The following PDE11A variants were observed in gnomAD, a reference collection of about 807,000 sequenced individuals.
PDE11A encodes the protein dual 3',5'-cyclic-AMP and -GMP phosphodiesterase 11A.
A neutral mutation model predicts 100.5 loss-of-function variants in PDE11A; 100 were observed. The ratio of observed to expected loss-of-function variants is 1.00; its 90% CI spans 0.85 to 1.18. PDE11A has a LOEUF of 1.18. Among genes scored for constraint, PDE11A ranks in the 50% most tolerant of loss-of-function variants. The probability of loss-of-function intolerance (pLI) is 0.00; values close to 1 mark genes in which losing one functional copy is unlikely to be tolerated. For synonymous variants in PDE11A, 381 were observed against 420.8 expected (o/e 0.91, Z 1.16); for missense variants, 1,141 against 1,152.6 (o/e 0.99, Z 0.15).
rs549156685 is a variant in PDE11A at position 177,816,819 on chromosome 2, C to T, written c.1737+10G>A. The T allele has an allele frequency of 7.6e-5, 114 of 1,499,294 alleles. 1 individual carries two copies. The South Asian group carries it at 1.1e-3, about 15-fold the overall frequency. The allele number at this position is 1,499,294 out of a possible 1,614,324, so 92.9% of individuals were successfully genotyped here. A position where few individuals can be genotyped will look rare whatever the true frequency, so the allele number is the denominator to read the frequency against. ...ACAGCATACAAACCTGACATAAACA[C>T]TGTACTTACATCAAGAGCCACAGAC... On this transcript the variant is annotated intron_variant, in intron 9 of 19. Coordinates refer to ENST00000286063, the MANE Select transcript of PDE11A (RefSeq NM_016953.4).
chr2:177,666,960 T>G (rs1300965484), intron 18 of PDE11A, among the ~76,000 whole-genome samples: 4 of 102,068 alleles, frequency 3.9e-5, no homozygotes, highest in African/African-American at 1.3e-4. Flanking sequence ...CTCTGTCACC[T>G]GGGCTGGAGT....
At chr2:178,082,467 CT>C (rs1372610729) in intron 2 of PDE11A, among the ~76,000 whole-genome samples, 1 of 152,092 alleles carries the variant, frequency 6.6e-6, no homozygotes, top group Non-Finnish European at 1.5e-5. Context: ...GTGTTGCAGC[CT>C]GCAGGGTGGC....
intron 2 of PDE11A, among the ~76,000 whole-genome samples, chr2:177,990,737 CA>C (rs71010847): frequency 0.028 from 2,058 of 74,414 alleles, 44 homozygotes; most frequent in African/African-American, 0.072. Context: ...GACTCTGTCT[CA>C]AAAAAAAAAA....
intron 2 of PDE11A, among the ~76,000 whole-genome samples, chr2:177,922,396 C>T (rs2085064722): frequency 6.6e-6 from 1 of 151,976 alleles, no homozygotes; most frequent in South Asian, 2.1e-4. Context: ...TGTAACAAAC[C>T]TGCACATTGT....
chr2:178,064,923 A>G (rs917364747), intron 1 of PDE11A, among the ~76,000 whole-genome samples: 2 of 152,172 alleles, frequency 1.3e-5, no homozygotes, highest in African/African-American at 4.8e-5. Flanking sequence ...GATAGGAAAC[A>G]TAATTTGTCA....
chr2:177,948,679 G>A (rs182283701), intron 2 of PDE11A, among the ~76,000 whole-genome samples: 66 of 152,294 alleles, frequency 4.3e-4, no homozygotes, highest in African/African-American at 1.5e-3. Context: ...TGAAGCAGGA[G>A]GATTGCTTGA....
intron 2 of PDE11A, among the ~76,000 whole-genome samples, chr2:177,995,791 T>C (rs1410692782): frequency 6.6e-6 from 1 of 152,216 alleles, no homozygotes; most frequent in Non-Finnish European, 1.5e-5. Context: ...TACCATGTTA[T>C]CAAGTCACTT....
At chr2:178,027,326 G>A (rs945337500) in intron 1 of PDE11A, among the ~76,000 whole-genome samples, 2 of 152,092 alleles carry the variant, frequency 1.3e-5, no homozygotes, top group African/African-American at 4.8e-5. Context: ...ATTATGACAT[G>A]AGAAAGTTAC....
chr2:177,890,705 T>A (rs1404574231), intron 4 of PDE11A, among the ~76,000 whole-genome samples: 1 of 152,196 alleles, frequency 6.6e-6, no homozygotes, highest in South Asian at 2.1e-4. Flanking sequence ...AAGTTTGTTC[T>A]CTTGCTAAGA....
At chr2:177,782,726 A>G (rs945403187) in intron 9 of PDE11A, among the ~76,000 whole-genome samples, 1 of 152,084 alleles carries the variant, frequency 6.6e-6, no homozygotes, top group African/African-American at 2.4e-5. Context: ...TAATGTGAAG[A>G]AGGTTCTTTC....
rs997989488 is a variant in PDE11A at position 177,691,817 on chromosome 2, T to C, written c.2345+5515A>G. ...CCACTGTTGAAAGTCATTTTGTTTC[T>C]GACTAGCTACCTCACCCACTATCTT... On this transcript the variant is annotated intron_variant, in intron 15 of 19. Transcript: ENST00000286063. 7.9e-5 allele frequency among the ~76,000 whole-genome samples: 12 copies of C among 152,196 alleles called. 1 individual carries two copies. Among genetic ancestry groups the C allele is most frequent in the Admixed American group, 2.0e-4 (3 of 15,274 alleles).
At chr2:177,839,589 C>T (rs1254729758) in intron 6 of PDE11A, among the ~76,000 whole-genome samples, 2 of 152,178 alleles carry the variant, frequency 1.3e-5, no homozygotes, top group East Asian at 3.9e-4. Flanking sequence ...CCCAACTCCC[C>T]ATGCCTGCTC....
chr2:178,060,465 A>G (rs2086953761), intron 1 of PDE11A, among the ~76,000 whole-genome samples: 2 of 151,894 alleles, frequency 1.3e-5, no homozygotes, highest in East Asian at 3.8e-4. Context: ...GAGCCCAAAC[A>G]AAGTGACAAA....
chr2:177,820,142 A>C, intron 7 of PDE11A, 78 bp downstream of exon 7: 1 of 794,580 alleles, frequency 1.3e-6, no homozygotes, highest in South Asian at 1.4e-5. Context: ...GGGAACACAT[A>C]AAAAAGATAT....
intron 16 of PDE11A, among the ~76,000 whole-genome samples, chr2:177,679,481 TAAC>T (rs1253782571): frequency 6.6e-6 from 1 of 152,120 alleles, no homozygotes; most frequent in Non-Finnish European, 1.5e-5. Context: ...AATACACTAA[TAAC>T]AAAATACAGC....
chr2:177,691,919 CT>C (rs2081046012), intron 15 of PDE11A, among the ~76,000 whole-genome samples: 1 of 152,142 alleles, frequency 6.6e-6, no homozygotes, highest in Middle Eastern at 3.2e-3. Context: ...AATGTAAATT[CT>C]TGGTAAACAA....
At chr2:177,793,590 G>A (rs1269087339) in intron 9 of PDE11A, among the ~76,000 whole-genome samples, 4 of 148,994 alleles carry the variant, frequency 2.7e-5, no homozygotes, top group Admixed American at 1.3e-4. Flanking sequence ...AAGGACCAGA[G>A]CCACAGAAGC....
chr2:177,875,581 C>T (rs1033916635), intron 5 of PDE11A, among the ~76,000 whole-genome samples: 4 of 151,786 alleles, frequency 2.6e-5, no homozygotes, highest in African/African-American at 4.8e-5. Context: ...CGGCATTTCA[C>T]CATGTTAGCC....
rs150710375 is a variant in PDE11A at position 177,719,798 on chromosome 2, C to T, written c.2043+7860G>A. 3.8e-3 allele frequency among the ~76,000 whole-genome samples: 578 copies of T among 152,196 alleles called. 5 individuals are homozygous for T. The highest frequency in any genetic ancestry group is 0.013 in the African/African-American group (557 of 41,536). The stretch of plus-strand genomic sequence containing the variant: ...TTTGTTTGGTACATTATTAAAATCA[C>T]ATTTATTTCAGCCAAAAAAGTGCTC... On this transcript the variant is annotated intron_variant, in intron 12 of 19. Coordinates refer to ENST00000286063, the MANE Select transcript of PDE11A (RefSeq NM_016953.4).
Sources: allele counts gnomAD v4.1 joint callset (sites outside exome capture counted in the v4.1 genomes callset), GRCh38; gene constraint gnomAD v4.1.1; transcripts MANE v1.5; gene names NCBI Gene and HGNC (gene_info 2026-07-23, HGNC 2026-07-21).